PLCG2: variants seen among roughly 807,000 people sequenced by gnomAD.
PLCG2 encodes 1-phosphatidylinositol 4,5-bisphosphate phosphodiesterase gamma-2.
A neutral mutation model predicts 175.6 loss-of-function variants in PLCG2; 69 were observed. The observed-to-expected ratio is 0.39, with a 90% confidence interval of 0.32 to 0.48. The LOEUF is 0.48. Ranked by LOEUF, PLCG2 falls within the 20% of genes least tolerant of loss-of-function variation. The pLI is 0.91. For synonymous variants in PLCG2, 827 were observed against 624.0 expected (o/e 1.33, Z -4.85); for missense variants, 1,798 against 1,650.9 (o/e 1.09, Z -1.54).
intron 2 of PLCG2, among the ~76,000 whole-genome samples, chr16:81,836,970 G>A (rs1905550818): frequency 6.6e-6 from 1 of 152,126 alleles, no homozygotes. Context: ...CTCCTGTTTG[G>A]TTTTCTCTGA....
intron 2 of PLCG2, among the ~76,000 whole-genome samples, chr16:81,768,306 T>C (rs1597307875): frequency 6.6e-6 from 1 of 152,212 alleles, no homozygotes; most frequent in East Asian, 1.9e-4. Flanking sequence ...CAGTCACAAA[T>C]GAAGGACATT....
intron 2 of PLCG2, among the ~76,000 whole-genome samples, chr16:81,811,692 C>G (rs9807001): frequency 0.69 from 105,079 of 152,068 alleles, 36,782 homozygotes; most frequent in East Asian, 0.91. Flanking sequence ...CTGCAAAGGA[C>G]ATGAGCTCAT....
chr16:81,811,383 C>G (rs1904319944), intron 2 of PLCG2, among the ~76,000 whole-genome samples: 1 of 152,170 alleles, frequency 6.6e-6, no homozygotes, highest in African/African-American at 2.4e-5. Context: ...GTTCAGGACT[C>G]AAAAGGGAAG....
chr16:81,836,449 G>A (rs1328304242), intron 2 of PLCG2, among the ~76,000 whole-genome samples: 1 of 152,180 alleles, frequency 6.6e-6, no homozygotes, highest in Non-Finnish European at 1.5e-5. Flanking sequence ...GGTTAAGAGT[G>A]CAAGCTTTGG....
At chr16:81,839,736 A>C (rs914502731) in intron 2 of PLCG2, among the ~76,000 whole-genome samples, 7 of 152,316 alleles carry the variant, frequency 4.6e-5, no homozygotes, top group African/African-American at 1.4e-4. Context: ...GAAAAACACC[A>C]AGTTTAAATG....
chr16:81,929,249 AG>A (rs1910401238), intron 24 of PLCG2, among the ~76,000 whole-genome samples: 1 of 152,224 alleles, frequency 6.6e-6, no homozygotes, highest in East Asian at 1.9e-4. Context: ...TCCCATGTGA[AG>A]GGACTCTGTA....
At chr16:81,760,340 T>C (rs1335054204) in intron 2 of PLCG2, among the ~76,000 whole-genome samples, 4 of 152,106 alleles carry the variant, frequency 2.6e-5, no homozygotes, top group African/African-American at 9.7e-5. Context: ...CCTCTGGTTC[T>C]CTCCCTCCAG....
At chr16:81,750,722 C>T (rs1298995510) in intron 1 of PLCG2, among the ~76,000 whole-genome samples, 2 of 123,990 alleles carry the variant, frequency 1.6e-5, no homozygotes, top group African/African-American at 6.1e-5. Context: ...GGCTGGAGTG[C>T]AGTGGCGCGA....
At chr16:81,938,047 ATCTT>A (rs1244138299) in intron 28 of PLCG2, 144 bp downstream of exon 28, 3 of 730,310 alleles carry the variant, frequency 4.1e-6, no homozygotes, top group Non-Finnish European at 6.6e-6. Context: ...GTGTTTGAGG[ATCTT>A]TCTTTCTTAC....
At chr16:81,905,549 C>T (rs775615381) in intron 15 of PLCG2, 42 bp downstream of exon 15, 3 of 1,267,036 alleles carry the variant, frequency 2.4e-6, no homozygotes, top group Non-Finnish European at 3.5e-6. Context: ...GGCCACGCCC[C>T]TTGCAGCTGC....
At chr16:81,837,994 C>G (rs1034388501) in intron 2 of PLCG2, among the ~76,000 whole-genome samples, 3 of 152,156 alleles carry the variant, frequency 2.0e-5, no homozygotes, top group Admixed American at 1.3e-4. Context: ...TATCTGCCAT[C>G]ATAGTCAAGA....
chr16:81,878,029 T>A (rs1455782828), intron 7 of PLCG2, among the ~76,000 whole-genome samples: 3 of 124,468 alleles, frequency 2.4e-5, no homozygotes. Flanking sequence ...TCACCCAGGC[T>A]GGAGTGTAGT....
At chr16:81,922,173 C>T (rs2143689502) in intron 21 of PLCG2, among the ~76,000 whole-genome samples, 1 of 152,332 alleles carries the variant, frequency 6.6e-6, no homozygotes, top group East Asian at 1.9e-4. Context: ...TGCTTAGCCT[C>T]TGGCCTCCAG....
chr16:81,841,299 T>G (rs1905817006), intron 2 of PLCG2, among the ~76,000 whole-genome samples: 1 of 152,018 alleles, frequency 6.6e-6, no homozygotes, highest in Non-Finnish European at 1.5e-5. Context: ...TGCAGTGGCA[T>G]GATCTTGGCT....
rs1911683040 is a variant in PLCG2 at position 81,959,012 on chromosome 16, A to G, written c.*1014A>G. The G allele has an allele frequency of 4.5e-6, 1 of 223,536 alleles. No homozygotes were observed. The highest frequency in any genetic ancestry group is 8.9e-6 in the Non-Finnish European group (1 of 112,016). The allele number at this position is 223,536 out of a possible 1,614,324, so 13.8% of individuals were successfully genotyped here. A position where few individuals can be genotyped will look rare whatever the true frequency, so the allele number is the denominator to read the frequency against. ...CCCTTGGGGCAGATCTACCTAGTTCATGACAGTATGTGCGGCTGGCCAGGG... is the reference window on the plus strand; with the variant it reads ...CCCTTGGGGCAGATCTACCTAGTTCGTGACAGTATGTGCGGCTGGCCAGGG... On this transcript the variant is annotated 3_prime_UTR_variant, in exon 33 of 33. Transcript: ENST00000564138.
rs1204425427 is a variant in PLCG2 at position 81,958,909 on chromosome 16, C to G, written c.*911C>G. The G allele has an allele frequency of 4.5e-6, 1 of 221,064 alleles. No individual in the cohort carries two copies. The highest frequency in any genetic ancestry group is 6.6e-5 in the East Asian group (1 of 15,210). 13.7% of individuals were successfully genotyped at this position (221,064 alleles called of 1,614,324 possible). On this transcript the variant is annotated 3_prime_UTR_variant, in exon 33 of 33. Transcript: ENST00000564138. ...GATGGCGAAATGTCTCTGGGTTACC[C>G]AGTCTTCTGGAGCAGCAAGCTGAGC...
At chr16:81,802,720 C>T (rs935413959) in intron 2 of PLCG2, among the ~76,000 whole-genome samples, 16 of 151,946 alleles carry the variant, frequency 1.1e-4, no homozygotes, top group Admixed American at 3.3e-4. Flanking sequence ...TACAGGCATG[C>T]GCCACCACGC....
intron 2 of PLCG2, among the ~76,000 whole-genome samples, chr16:81,760,058 G>T (rs1171424460): frequency 6.6e-6 from 1 of 152,202 alleles, no homozygotes; most frequent in South Asian, 2.1e-4. Flanking sequence ...CCTGGAAGGC[G>T]GAGCTTGCAG....
intron 1 of PLCG2, among the ~76,000 whole-genome samples, chr16:81,750,731 G>A (rs1165329676): frequency 1.5e-5 from 2 of 130,638 alleles, no homozygotes; most frequent in African/African-American, 2.9e-5. Flanking sequence ...GCAGTGGCGC[G>A]ATCTCGGCTC....
Sources: gnomAD v4.1 joint callset for allele counts (sites outside exome capture counted in the v4.1 genomes callset) on GRCh38, gnomAD v4.1.1 for gene constraint, MANE v1.5 for transcripts, NCBI Gene and HGNC (gene_info 2026-07-23, HGNC 2026-07-21) for gene names.